SLC16A10: variants seen among roughly 807,000 people sequenced by gnomAD.
SLC16A10 encodes the protein solute carrier family 16 member 10, also known as monocarboxylate transporter 10.
SLC16A10 carries 27 observed loss-of-function variants against 40.0 expected under a neutral mutation model. The observed-to-expected ratio is 0.67, with a 90% confidence interval of 0.50 to 0.93. The LOEUF (loss-of-function observed/expected upper bound fraction) is 0.93, where lower values mean the gene tolerates loss of function less well. Among genes scored for constraint, SLC16A10 ranks in the 40% least tolerant of loss-of-function variants. The probability of loss-of-function intolerance (pLI) is 0.00; values close to 1 mark genes in which losing one functional copy is unlikely to be tolerated. For missense variants in SLC16A10, 529 were observed against 658.2 expected, an observed-to-expected ratio of 0.80 and a Z score of 2.15; for synonymous variants, 213 against 249.8, an observed-to-expected ratio of 0.85 and a Z score of 1.39.
chr6:111,133,090 C>T (rs1362648834), intron 1 of SLC16A10, among the ~76,000 whole-genome samples: 2 of 152,160 alleles, frequency 1.3e-5, no homozygotes, highest in Non-Finnish European at 2.9e-5. Flanking sequence ...GAACCCAGCC[C>T]AGCTCCAGGA....
intron 3 of SLC16A10, among the ~76,000 whole-genome samples, chr6:111,186,616 C>T (rs937237341): frequency 3.3e-5 from 5 of 152,134 alleles, no homozygotes; most frequent in Admixed American, 2.6e-4. Flanking sequence ...CTTGTAGTCA[C>T]TAACTCTAAG....
At chr6:111,120,682 A>G (rs1487129386) in intron 1 of SLC16A10, among the ~76,000 whole-genome samples, 4 of 152,216 alleles carry the variant, frequency 2.6e-5, no homozygotes, top group Non-Finnish European at 5.9e-5. Flanking sequence ...ACTTTCACTT[A>G]TACCATGAGC....
chr6:111,207,846 G>T (rs372583458), intron 4 of SLC16A10, among the ~76,000 whole-genome samples: 44 of 152,164 alleles, frequency 2.9e-4, no homozygotes, highest in Non-Finnish European at 4.3e-4. Flanking sequence ...GGATTGGTTG[G>T]GGGGATGGAC....
chr6:111,170,931 A>G (rs774681624), intron 1 of SLC16A10, among the ~76,000 whole-genome samples: 2 of 152,024 alleles, frequency 1.3e-5, no homozygotes, highest in African/African-American at 4.8e-5. Context: ...TAAGCCCAGG[A>G]GTTTGAGACC....
At chr6:111,155,526 G>C (rs531881388) in intron 1 of SLC16A10, among the ~76,000 whole-genome samples, 1 of 152,124 alleles carries the variant, frequency 6.6e-6, no homozygotes, top group Admixed American at 6.5e-5. Context: ...GTGGTTATTC[G>C]AAGAAGTGAT....
chr6:111,204,978 G>C (rs539758027), intron 3 of SLC16A10, among the ~76,000 whole-genome samples: 1 of 151,334 alleles, frequency 6.6e-6, no homozygotes, highest in Admixed American at 6.6e-5. Flanking sequence ...TTCTACTTCT[G>C]AGTCAAAGAT....
intron 1 of SLC16A10, among the ~76,000 whole-genome samples, chr6:111,124,044 G>A (rs919505103): frequency 6.6e-6 from 1 of 152,116 alleles, no homozygotes; most frequent in African/African-American, 2.4e-5. Flanking sequence ...CTTGAGGGCC[G>A]CATTAGGAGC....
intron 1 of SLC16A10, among the ~76,000 whole-genome samples, chr6:111,132,784 A>G (rs1203168005): frequency 6.6e-6 from 1 of 152,222 alleles, no homozygotes; most frequent in Non-Finnish European, 1.5e-5. Flanking sequence ...TCAGGACAGG[A>G]TGATAGATGG....
At chr6:111,145,074 C>T (rs1249590167) in intron 1 of SLC16A10, among the ~76,000 whole-genome samples, 9 of 151,492 alleles carry the variant, frequency 5.9e-5, no homozygotes, top group Admixed American at 5.9e-4. Flanking sequence ...CTCAAGCAAT[C>T]CTCCATCTTG....
intron 1 of SLC16A10, among the ~76,000 whole-genome samples, chr6:111,106,134 A>C (rs953071054): frequency 6.6e-6 from 1 of 152,198 alleles, no homozygotes; most frequent in Non-Finnish European, 1.5e-5. Flanking sequence ...TAGGGAAGGG[A>C]AGAAAAGGAA....
At chr6:111,170,503 G>A (rs1214653196) in intron 1 of SLC16A10, among the ~76,000 whole-genome samples, 6 of 152,156 alleles carry the variant, frequency 3.9e-5, no homozygotes, top group South Asian at 4.1e-4. Flanking sequence ...GCTGGAGTGC[G>A]CAGTGGCGCG....
chr6:111,211,022 CAAAAA>C (rs36044806), intron 4 of SLC16A10, among the ~76,000 whole-genome samples: 1 of 119,584 alleles, frequency 8.4e-6, no homozygotes. Flanking sequence ...GACTCCGTCT[CAAAAA>C]AAAAAAAAAA....
chr6:111,219,441 A>T (rs1459708609), intron 5 of SLC16A10, among the ~76,000 whole-genome samples: 1 of 151,792 alleles, frequency 6.6e-6, no homozygotes, highest in Non-Finnish European at 1.5e-5. Flanking sequence ...AGGTGGGGGG[A>T]TTGCTTGAGC....
chr6:111,111,761 T>C (rs961222672), intron 1 of SLC16A10, among the ~76,000 whole-genome samples: 4 of 152,198 alleles, frequency 2.6e-5, no homozygotes, highest in African/African-American at 9.6e-5. Flanking sequence ...GTGTAAGTAT[T>C]TGTCTTTCTG....
intron 1 of SLC16A10, among the ~76,000 whole-genome samples, chr6:111,146,748 AG>A (rs1772086621): frequency 6.6e-6 from 1 of 152,124 alleles, no homozygotes; most frequent in Non-Finnish European, 1.5e-5. Flanking sequence ...AAAAAAAAAA[AG>A]ATATATACAC....
rs1487910725 is a variant in SLC16A10, at chr6:111,227,715, T to A, written c.*5480T>A. 6.6e-6 allele frequency: 1 copy of A among 152,204 alleles called. No homozygotes were observed. The highest frequency in any genetic ancestry group is 1.9e-4 in the East Asian group (1 of 5,204). 9.4% of individuals were successfully genotyped at this position (152,204 alleles called of 1,614,324 possible). On this transcript the variant is annotated 3_prime_UTR_variant, in exon 6 of 6. Coordinates refer to ENST00000368851, the MANE Select transcript of SLC16A10 (RefSeq NM_018593.5). ...CATGGTACTATATTCCTGACAGATA[T>A]AAAATAACATGAGGCTACCTCATTT...
At chr6:111,212,132 C>A (rs537904061) in intron 4 of SLC16A10, among the ~76,000 whole-genome samples, 1 of 152,254 alleles carries the variant, frequency 6.6e-6, no homozygotes, top group South Asian at 2.1e-4. Flanking sequence ...GTCTAGGAGG[C>A]TGCCGAGCCC....
chr6:111,214,577 G>A (rs1425049026), intron 4 of SLC16A10, among the ~76,000 whole-genome samples: 1 of 152,174 alleles, frequency 6.6e-6, no homozygotes. Context: ...CAGATTCTGG[G>A]TATTAACATC....
intron 1 of SLC16A10, among the ~76,000 whole-genome samples, chr6:111,092,005 A>T (rs1178786371): frequency 6.6e-6 from 1 of 152,196 alleles, no homozygotes; most frequent in African/African-American, 2.4e-5. Flanking sequence ...TTTTCAATAT[A>T]ACAGGACTCA....
Sources: gnomAD v4.1 joint callset for allele counts (sites outside exome capture counted in the v4.1 genomes callset) on GRCh38, gnomAD v4.1.1 for gene constraint, MANE v1.5 for transcripts, NCBI Gene and HGNC (gene_info 2026-07-23, HGNC 2026-07-21) for gene names.